MYH1: variants seen among roughly 807,000 people sequenced by gnomAD.
MYH1 encodes the protein myosin-1.
In MYH1, 214 loss-of-function variants were observed where a neutral mutation model predicts 225.6. The observed-to-expected ratio is 0.95, with a 90% CI of 0.85 to 1.06. The LOEUF is 1.06. Ranked by LOEUF, MYH1 falls within the 50% of genes least tolerant of loss-of-function variation. The probability of loss-of-function intolerance (pLI) is 0.00; values close to 1 mark genes in which losing one functional copy is unlikely to be tolerated. For synonymous variants in MYH1, 774 were observed against 842.3 expected (o/e 0.92, Z 1.40); for missense variants, 2,098 against 2,344.2 (o/e 0.89, Z 2.17).
intron 22 of MYH1, 98 bp from the exon 23 acceptor site, chr17:10,503,346 G>A (rs2073077351): frequency 6.7e-7 from 1 of 1,491,902 alleles, no homozygotes; most frequent in African/African-American, 1.4e-5. Flanking sequence ...ATTGTTTTAA[G>A]CCTTCAGGTT....
At position 10,517,535 on chromosome 17, in the gene MYH1, C is replaced by T. The variant is rs1203878886; in HGVS notation, c.-41+705G>A. On this transcript the variant is annotated intron_variant, in intron 2 of 39. Coordinates refer to ENST00000226207, the MANE Select transcript of MYH1 (RefSeq NM_005963.4). The stretch of plus-strand genomic sequence containing the variant: ...ATTAGCTAGCATTCATTAATGCTGT[C>T]AATAATCTTCATGTATATTCTACTT... Among the ~76,000 whole-genome samples the T allele has an allele frequency of 5.3e-5, 8 of 152,260 alleles. No homozygotes were observed. In the South Asian group the frequency reaches 1.5e-3, roughly 28 times the overall value.
chr17:10,512,036 C>T (rs761315942), intron 13 of MYH1, 38 bp downstream of exon 13: 5 of 1,614,004 alleles, frequency 3.1e-6, no homozygotes, highest in South Asian at 1.1e-5. Context: ...GTCATGAAGG[C>T]CTGGGATGTG....
In MYH1 at chr17:10,509,590, G is replaced by A; in HGVS notation, c.1482C>T (p.His494=). The change falls in exon 15 of 40, where the codon CAC becomes CAT. Residue 494 remains histidine, a synonymous_variant. Coordinates refer to ENST00000226207, the MANE Select transcript of MYH1 (RefSeq NM_005963.4). ...TNEKLQQFFN[H]HMFVLEQEEY... ...CCTCCTGCTCCAGCACGAACATGTGGTGGTTGAAAAACTGTTGCAGTTTCT... is the reference window on the plus strand; with the variant it reads ...CCTCCTGCTCCAGCACGAACATGTGATGGTTGAAAAACTGTTGCAGTTTCT... 1 of 1,614,170 alleles carries A rather than the reference G, an allele frequency of 6.2e-7. No homozygotes were observed. The highest frequency in any genetic ancestry group is 8.5e-7 in the Non-Finnish European group (1 of 1,180,044).
At chr17:10,513,737 G>A in intron 8 of MYH1, 48 bp from the exon 9 acceptor site, 1 of 1,612,538 alleles carries the variant, frequency 6.2e-7, no homozygotes, top group Admixed American at 1.7e-5. Flanking sequence ...GAAGTACGTA[G>A]TGGGGATGCC....
chr17:10,511,146 A>T (rs1291133098), intron 14 of MYH1, among the ~76,000 whole-genome samples: 1 of 151,686 alleles, frequency 6.6e-6, no homozygotes, highest in Non-Finnish European at 1.5e-5. Context: ...GTACACAGAT[A>T]AAAGTTTAGA....
chr17:10,503,930 T>C (rs185653443), intron 22 of MYH1, among the ~76,000 whole-genome samples: 20 of 152,294 alleles, frequency 1.3e-4, no homozygotes, highest in African/African-American at 4.6e-4. Flanking sequence ...GATGAACCAC[T>C]CCTCAATGTG....
At chr17:10,506,148 A>AT (rs769320527) in intron 17 of MYH1, 49 bp from the exon 18 acceptor site, 14 of 1,600,036 alleles carry the variant, frequency 8.7e-6, no homozygotes, top group Admixed American at 3.4e-5. Flanking sequence ...TGTTTTCTAC[A>AT]TTCATATTTA....
At chr17:10,508,855 C>T (rs2073144061) in intron 15 of MYH1, among the ~76,000 whole-genome samples, 183 bp from the exon 16 acceptor site, 1 of 152,148 alleles carries the variant, frequency 6.6e-6, no homozygotes, top group African/African-American at 2.4e-5. Flanking sequence ...TGATCAGGAG[C>T]CACGTGCTGT....
In MYH1 at chr17:10,512,882, T is replaced by G; in HGVS notation, c.889A>C (p.Lys297Gln). The G allele has an allele frequency of 1.9e-6, 3 of 1,612,652 alleles. No individual in the cohort carries two copies. Among genetic ancestry groups the G allele is most frequent in the Non-Finnish European group, 2.5e-6 (3 of 1,178,678 alleles). ...TATTTCTTACCAATTAGATCTGGCT[T>G]CTTGTTAGACATGATCTGATAAAAA... ...HIFYQIMSNK[K>Q]PDLIEMLLIT... The change falls in exon 10 of 40, where the codon AAG becomes CAG. Residue 297 changes from lysine to glutamine, a missense_variant. Coordinates refer to ENST00000226207, the MANE Select transcript of MYH1 (RefSeq NM_005963.4).
In MYH1 at chr17:10,513,618, T is replaced by C. The variant is rs1163274788; in HGVS notation, c.805+8A>G. The stretch of plus-strand genomic sequence containing the variant: ...CTTGGATTCTATTTAGGAGGTCCTG[T>C]TACTCACATGTTTCAATATCAGCAG... On this transcript the variant is annotated splice_region_variant and intron_variant, in intron 9 of 39. Coordinates refer to ENST00000226207, the MANE Select transcript of MYH1 (RefSeq NM_005963.4). 2 of 1,613,210 alleles carry C rather than the reference T, an allele frequency of 1.2e-6. No homozygotes were observed. The highest frequency in any genetic ancestry group is 2.2e-5 in the South Asian group (2 of 91,072).
chr17:10,495,827 A>T, intron 35 of MYH1, 123 bp downstream of exon 35: 3 of 1,191,136 alleles, frequency 2.5e-6, no homozygotes, highest in Non-Finnish European at 3.4e-6. Context: ...TCAAAAAAAT[A>T]AAATATTTTA....
rs1161226266 is a variant in MYH1 at position 10,511,941 on chromosome 17, C to T, written c.1314G>A (p.Met438Ile). Residue 438 changes from methionine to isoleucine, a missense_variant, in exon 14 of 40, where the codon ATG becomes ATA. Coordinates refer to ENST00000226207, the MANE Select transcript of MYH1 (RefSeq NM_005963.4). ...GALAKAVYDK[M>I]FLWMVTRINQ... ...TGATGCGGGTGACCATCCACAAGAA[C>T]ATCTTATCGTAGACAGCTTTGGCCA... 1 of 1,614,178 alleles carries T rather than the reference C, an allele frequency of 6.2e-7. No individual in the cohort carries two copies. Among genetic ancestry groups the T allele is most frequent in the East Asian group, 2.2e-5 (1 of 44,880 alleles).
rs2073194674 is a variant in MYH1, at chr17:10,513,655, C to A, written c.776G>T (p.Gly259Val). The change falls in exon 9 of 40, where the codon GGG becomes GTG. Residue 259 changes from glycine to valine, a missense_variant. Coordinates refer to ENST00000226207, the MANE Select transcript of MYH1 (RefSeq NM_005963.4). ...TTCAATATCAGCAGAAGCCAGTTTC[C>A]CTGTGGTACCGAAGTGGATCCTGAT... ...KFIRIHFGTTGKLASADIETY... is the reference protein window; with the variant it reads ...KFIRIHFGTTVKLASADIETY... 1 of 1,613,902 alleles carries A rather than the reference C, an allele frequency of 6.2e-7. No individual in the cohort carries two copies. Among genetic ancestry groups the A allele is most frequent in the Non-Finnish European group, 8.5e-7 (1 of 1,179,958 alleles).
chr17:10,494,818 G>A, intron 37 of MYH1, 113 bp downstream of exon 37: 1 of 1,596,600 alleles, frequency 6.3e-7, no homozygotes, highest in Non-Finnish European at 8.5e-7. Flanking sequence ...TGGGCATGAG[G>A]GAATAGCTCT....
chr17:10,510,786 AG>A (rs36100235), intron 14 of MYH1, among the ~76,000 whole-genome samples: 59,431 of 151,920 alleles, frequency 0.39, 13,561 homozygotes, highest in Non-Finnish European at 0.53. Context: ...TCTGTGGCCT[AG>A]GGGGAGGACA....
chr17:10,504,323 C>A (rs1427767939), intron 22 of MYH1, among the ~76,000 whole-genome samples: 1 of 152,180 alleles, frequency 6.6e-6, no homozygotes, highest in Non-Finnish European at 1.5e-5. Context: ...GAAAGCATTG[C>A]CATTATTCTT....
rs2073231096 is a variant in MYH1 at position 10,516,530 on chromosome 17, A to G, written c.113T>C (p.Val38Ala). 1.9e-6 allele frequency: 3 copies of G among 1,614,136 alleles called. No individual in the cohort carries two copies. Among genetic ancestry groups the G allele is most frequent in the Middle Eastern group, 1.7e-4 (1 of 6,058 alleles). Residue 38 changes from valine to alanine, a missense_variant, in exon 3 of 40, where the codon GTC becomes GCC. Coordinates refer to ENST00000226207, the MANE Select transcript of MYH1 (RefSeq NM_005963.4). Reference sequence around the variant, plus strand: ...GGACTCCTTAGGGTCCACCACAAAGACTGATGTCTTGGCATCAAAAGGCTT... The same window carrying G: ...GGACTCCTTAGGGTCCACCACAAAGGCTGATGTCTTGGCATCAAAAGGCTT... ...QNKPFDAKTS[V>A]FVVDPKESFV...
chr17:10,504,568 T>A (rs1353812937), intron 22 of MYH1, among the ~76,000 whole-genome samples: 1 of 152,270 alleles, frequency 6.6e-6, no homozygotes, highest in South Asian at 2.1e-4. Flanking sequence ...CACATTCTGC[T>A]GTAGAAAACA....
At chr17:10,500,401 A>AATATATATATGGATATATATGTTTC (rs1555566386) in intron 28 of MYH1, among the ~76,000 whole-genome samples, 4 of 150,324 alleles carry the variant, frequency 2.7e-5, no homozygotes, top group Admixed American at 2.0e-4. Context: ...TATATATACA[A>AATATATATATGGATATATATGTTTC]ATATATATAT....
Sources: gnomAD v4.1 joint callset for allele counts (sites outside exome capture counted in the v4.1 genomes callset) on GRCh38, gnomAD v4.1.1 for gene constraint, MANE v1.5 for transcripts, NCBI Gene and HGNC (gene_info 2026-07-23, HGNC 2026-07-21) for gene names.